TAAR5: variants seen among roughly 807,000 people sequenced by gnomAD.
TAAR5 encodes trace amine-associated receptor 5.
A neutral mutation model predicts 21.1 loss-of-function variants in TAAR5; 27 were observed. That is an observed-to-expected ratio of 1.28 (90% CI 0.94 to 1.76). The LOEUF is 1.76. Ranked by LOEUF, TAAR5 falls within the 40% of genes most tolerant of loss-of-function variation. TAAR5 has a pLI of 0.00. For synonymous variants in TAAR5, 203 were observed against 167.5 expected, an observed-to-expected ratio of 1.21 and a Z score of -1.64; for missense variants, 495 against 405.6, an observed-to-expected ratio of 1.22 and a Z score of -1.89.
the TAAR5 span, among the ~76,000 whole-genome samples, chr6:132,612,474 C>G: frequency 1.3e-5 from 2 of 152,254 alleles, no homozygotes; most frequent in African/African-American, 4.8e-5. Context: ...AATAACCCCT[C>G]CCAAAGTAGC....
At position 132,588,717 on chromosome 6, in the gene TAAR5, C is replaced by G; in HGVS notation, c.970G>C (p.Val324Leu). The change falls in exon 1 of 1, where the codon GTC becomes CTC. Residue 324 changes from valine (V) to leucine (L), a missense_variant. Transcript: ENST00000258034. Reference protein sequence around the residue: ...KALKLTLSQKVFSPQTRTVDL... With the variant: ...KALKLTLSQKLFSPQTRTVDL... ...ACAGTGCGTGTCTGCGGTGAGAAGA[C>G]CTTCTGGCTCAGTGTGAGTTTCAGT... 6.2e-7 allele frequency: 1 copy of G among 1,613,940 alleles called. No individual in the cohort carries two copies. Among genetic ancestry groups the G allele is most frequent in the Non-Finnish European group, 8.5e-7 (1 of 1,179,962 alleles).
At chr6:132,603,181 G>A in the TAAR5 span, among the ~76,000 whole-genome samples, 1 of 151,520 alleles carries the variant, frequency 6.6e-6, no homozygotes, top group African/African-American at 2.4e-5. Context: ...ATGTGTCTGT[G>A]GTTTCAGCTA....
the TAAR5 span, among the ~76,000 whole-genome samples, chr6:132,611,791 T>C: frequency 1.3e-5 from 2 of 152,198 alleles, no homozygotes; most frequent in South Asian, 2.1e-4. Flanking sequence ...GGGAAAAGAA[T>C]GTCACACAGA....
At chr6:132,599,131 G>T in the TAAR5 span, among the ~76,000 whole-genome samples, 1 of 152,060 alleles carries the variant, frequency 6.6e-6, no homozygotes, top group South Asian at 2.1e-4. Context: ...AACACAATTG[G>T]ATGAAAAGGG....
the TAAR5 span, among the ~76,000 whole-genome samples, chr6:132,599,248 T>C: frequency 1.9e-4 from 29 of 152,160 alleles, 1 homozygote; most frequent in African/African-American, 6.3e-4. Flanking sequence ...ATTGATAATT[T>C]TATTATTCAT....
In TAAR5 at chr6:132,589,513, A is replaced by G; in HGVS notation, c.174T>C (p.Ala58=). The G allele has an allele frequency of 1.2e-6, 2 of 1,614,060 alleles. No homozygotes were observed. Among genetic ancestry groups the G allele is most frequent in the Non-Finnish European group, 1.7e-6 (2 of 1,179,988 alleles). The change falls in exon 1 of 1, where the codon GCT becomes GCC. Residue 58 remains alanine (A), a synonymous_variant. Transcript: ENST00000258034. ...IVLGNVFVAF[A]VSYFKALHTP... ...TGTGAAGCGCTTTGAAGTAGGACAC[A>G]GCAAATGCCACAAATACATTCCCTA...
chr6:132,609,860 G>A, the TAAR5 span, among the ~76,000 whole-genome samples: 6 of 152,174 alleles, frequency 3.9e-5, no homozygotes, highest in Non-Finnish European at 7.4e-5. Context: ...AAACATGGCT[G>A]TTGAAAGCCA....
the TAAR5 span, among the ~76,000 whole-genome samples, chr6:132,598,268 C>G: frequency 6.6e-6 from 1 of 152,156 alleles, no homozygotes; most frequent in African/African-American, 2.4e-5. Flanking sequence ...GTCTTCCCAT[C>G]ATTGTTTCTT....
At chr6:132,601,499 A>C in the TAAR5 span, among the ~76,000 whole-genome samples, 1 of 152,236 alleles carries the variant, frequency 6.6e-6, no homozygotes, top group Non-Finnish European at 1.5e-5. Context: ...CAGACAAAGC[A>C]GTGATATAAT....
the TAAR5 span, among the ~76,000 whole-genome samples, chr6:132,600,071 A>G: frequency 6.6e-6 from 1 of 152,322 alleles, no homozygotes; most frequent in Non-Finnish European, 1.5e-5. Context: ...GGAAAGAAGT[A>G]GTGGTTGAAT....
chr6:132,600,797 G>A, the TAAR5 span, among the ~76,000 whole-genome samples: 1 of 132,390 alleles, frequency 7.6e-6, no homozygotes, highest in Non-Finnish European at 1.6e-5. Context: ...GGGAAGGAGG[G>A]GAGGAAGGAA....
the TAAR5 span, among the ~76,000 whole-genome samples, chr6:132,612,868 G>A: frequency 6.6e-6 from 1 of 152,126 alleles, no homozygotes; most frequent in African/African-American, 2.4e-5. Flanking sequence ...GAATACATAC[G>A]CAGTTAATGA....
the TAAR5 span, among the ~76,000 whole-genome samples, chr6:132,600,851 AGGAGGGAAGGAAGGAAGGAGAGAG>A: frequency 7.9e-6 from 1 of 125,884 alleles, no homozygotes; most frequent in Non-Finnish European, 1.7e-5. Context: ...GAAGGAAGGA[AGGAGGGAAGGAAGGAAGGAGAGAG>A]GGAAGGAGGG....
At chr6:132,596,115 A>T in the TAAR5 span, among the ~76,000 whole-genome samples, 2 of 152,186 alleles carry the variant, frequency 1.3e-5, no homozygotes, top group Non-Finnish European at 2.9e-5. Context: ...ACCCACAAAT[A>T]ACAGATTCTA....
upstream of TAAR5, among the ~76,000 whole-genome samples, chr6:132,590,077 T>C (rs1004762705): frequency 6.6e-6 from 1 of 152,210 alleles, no homozygotes; most frequent in Non-Finnish European, 1.5e-5. Flanking sequence ...TCTCTTACGT[T>C]TTGATAAGGT....
At chr6:132,601,317 T>G in the TAAR5 span, among the ~76,000 whole-genome samples, 2 of 152,256 alleles carry the variant, frequency 1.3e-5, no homozygotes, top group East Asian at 1.9e-4. Context: ...CAGATTTCTT[T>G]TACTTTATTG....
chr6:132,607,759 C>A, the TAAR5 span, among the ~76,000 whole-genome samples: 13 of 152,096 alleles, frequency 8.5e-5, no homozygotes, highest in African/African-American at 2.9e-4. Context: ...GTTAATGATT[C>A]TCCCAAAACA....
chr6:132,589,244 A>G lies in TAAR5; in HGVS notation c.443T>C (p.Val148Ala), dbSNP rs1190885321. The G allele has an allele frequency of 6.2e-7, 1 of 1,607,668 alleles. No individual in the cohort carries two copies. Among genetic ancestry groups the G allele is most frequent in the African/African-American group, 1.3e-5 (1 of 74,842 alleles). ...DPLLYPSKFT[V>A]RVALRYILAG... ...CAGGATGTACCTGAGAGCCACCCTC[A>G]CTGTGAACTTGGAGGGATAGAGCAG... Residue 148 changes from valine to alanine, a missense_variant, in exon 1 of 1, where the codon GTG becomes GCG. Physicochemically the swap from Val to Ala is moderately conservative, Grantham distance 64. Transcript: ENST00000258034.
At position 132,589,364 on chromosome 6, in the gene TAAR5, C is replaced by G. The variant is rs372095515; in HGVS notation, c.323G>C (p.Arg108Pro). ...GAGGGTGTCCAGGTAGGTGTGCAGG[C>G]GGCAGAGGAAGTCCCCGAAGAACCA... ...SCWFFGDFLC[R>P]LHTYLDTLFC... The change falls in exon 1 of 1, where the codon CGC (arginine) becomes CCC (proline). Residue 108 changes from arginine to proline, a missense_variant. Coordinates refer to ENST00000258034, the MANE Select transcript of TAAR5 (RefSeq NM_003967.3). The G allele has an allele frequency of 2.5e-6, 4 of 1,613,802 alleles. No homozygotes were observed. Among genetic ancestry groups the G allele is most frequent in the Non-Finnish European group, 3.4e-6 (4 of 1,179,960 alleles).
Sources: allele counts gnomAD v4.1 joint callset (sites outside exome capture counted in the v4.1 genomes callset), GRCh38; gene constraint gnomAD v4.1.1; transcripts MANE v1.5; gene names NCBI Gene and HGNC (gene_info 2026-07-23, HGNC 2026-07-21).